The following BRINP3 variants were observed in gnomAD, a reference collection of about 807,000 sequenced individuals.
BRINP3 encodes the protein BMP/retinoic acid inducible neural specific 3.
BRINP3 carries 19 observed loss-of-function variants against 71.0 expected under a neutral mutation model. The observed-to-expected ratio is 0.27, with a 90% confidence interval of 0.19 to 0.39. The LOEUF (loss-of-function observed/expected upper bound fraction) is 0.39, where lower values mean the gene tolerates loss of function less well. Among genes scored for constraint, BRINP3 ranks in the 10% least tolerant of loss-of-function variants. The pLI, the probability that BRINP3 is intolerant of heterozygous loss-of-function variation, is 1.00. For missense variants in BRINP3, 959 were observed against 940.8 expected, an observed-to-expected ratio of 1.02 and a Z score of -0.25; for synonymous variants, 380 against 337.7, an observed-to-expected ratio of 1.13 and a Z score of -1.37.
intron 2 of BRINP3, among the ~76,000 whole-genome samples, chr1:190,400,444 T>C (rs1298756418): frequency 6.6e-6 from 1 of 152,200 alleles, no homozygotes; most frequent in Non-Finnish European, 1.5e-5. Flanking sequence ...TGATGTGTAT[T>C]ACACAAAATA....
intron 2 of BRINP3, among the ~76,000 whole-genome samples, chr1:190,434,776 T>C (rs940600325): frequency 7.2e-5 from 11 of 152,112 alleles, no homozygotes; most frequent in Admixed American, 2.0e-4. Flanking sequence ...GAAAATTAAT[T>C]TTATTTGCCT....
chr1:190,345,293 C>T (rs1667941250), intron 2 of BRINP3, among the ~76,000 whole-genome samples: 1 of 151,500 alleles, frequency 6.6e-6, no homozygotes, highest in Admixed American at 6.6e-5. Flanking sequence ...GATCTAAATC[C>T]AGATTACTTA....
chr1:190,369,787 A>C (rs1413783718), intron 2 of BRINP3, among the ~76,000 whole-genome samples: 1 of 152,186 alleles, frequency 6.6e-6, no homozygotes, highest in East Asian at 1.9e-4. Flanking sequence ...AATATGTGAC[A>C]TAATGGTCAG....
At chr1:190,100,066 T>C (rs1386166389) in intron 7 of BRINP3, among the ~76,000 whole-genome samples, 1 of 152,200 alleles carries the variant, frequency 6.6e-6, no homozygotes, top group Non-Finnish European at 1.5e-5. Context: ...TTGCACAGCC[T>C]CTATAACACA....
At chr1:190,309,468 T>C (rs1320690935) in intron 2 of BRINP3, among the ~76,000 whole-genome samples, 2 of 151,890 alleles carry the variant, frequency 1.3e-5, no homozygotes, top group Non-Finnish European at 2.9e-5. Flanking sequence ...TCTATTTTAC[T>C]GTAATTTTTT....
chr1:190,117,205 A>G (rs953839504), intron 7 of BRINP3, among the ~76,000 whole-genome samples: 1 of 152,036 alleles, frequency 6.6e-6, no homozygotes, highest in Non-Finnish European at 1.5e-5. Flanking sequence ...TGTAGTATCA[A>G]TCTTTCAACA....
rs571108325 is a variant in BRINP3, at chr1:190,193,243, A to G, written c.962-32353T>C. On this transcript the variant is annotated intron_variant, in intron 6 of 7. Coordinates refer to ENST00000367462, the MANE Select transcript of BRINP3 (RefSeq NM_199051.3). The stretch of plus-strand genomic sequence containing the variant: ...AGGAGGTGTTTGTGATATTAAAAAA[A>G]AATAGTCATACAAAGTAGTAAATTG... Among the ~76,000 whole-genome samples the G allele has an allele frequency of 4.7e-3, 713 of 152,234 alleles. 2 individuals are homozygous for G. The highest frequency in any genetic ancestry group is 0.016 in the African/African-American group (683 of 41,564).
At position 190,249,288 on chromosome 1, in the gene BRINP3, C is replaced by T. The variant is rs74670881; in HGVS notation, c.619-14811G>A. On this transcript the variant is annotated intron_variant, in intron 4 of 7. Coordinates refer to ENST00000367462, the MANE Select transcript of BRINP3 (RefSeq NM_199051.3). ...AGCACAGACACTGAATAAACCTTCA[C>T]CAAATATGCAAATAAATTTGGTAAA... Among the ~76,000 whole-genome samples the T allele has an allele frequency of 4.9e-3, 748 of 151,828 alleles. 7 individuals carry two copies. Among genetic ancestry groups the T allele is most frequent in the African/African-American group, 0.017 (701 of 41,452 alleles).
chr1:190,329,968 T>C (rs1666859346), intron 2 of BRINP3, among the ~76,000 whole-genome samples: 1 of 151,630 alleles, frequency 6.6e-6, no homozygotes, highest in Non-Finnish European at 1.5e-5. Flanking sequence ...ATACCATTCA[T>C]CATAAAAAAA....
At chr1:190,456,778 T>C (rs1381328995) in intron 1 of BRINP3, among the ~76,000 whole-genome samples, 1 of 152,008 alleles carries the variant, frequency 6.6e-6, no homozygotes, top group African/African-American at 2.4e-5. Flanking sequence ...TTAGAATATA[T>C]AATTTCTTAA....
intron 2 of BRINP3, among the ~76,000 whole-genome samples, chr1:190,354,278 T>C (rs1307781860): frequency 1.3e-5 from 2 of 151,980 alleles, no homozygotes; most frequent in Admixed American, 6.6e-5. Context: ...TTATCAAAGC[T>C]GAAAATGGGG....
intron 2 of BRINP3, among the ~76,000 whole-genome samples, chr1:190,383,096 A>AT (rs954993887): frequency 1.5e-4 from 23 of 151,898 alleles, no homozygotes; most frequent in Admixed American, 7.9e-4. Flanking sequence ...TTCCTGATAT[A>AT]TTTTTTTTCC....
At chr1:190,450,998 A>G in intron 2 of BRINP3, among the ~76,000 whole-genome samples, 1 of 152,220 alleles carries the variant, frequency 6.6e-6, no homozygotes, top group Admixed American at 6.5e-5. Flanking sequence ...AGTAAGTCAT[A>G]ACATTCACCT....
chr1:190,464,647 C>T (rs1676619682), intron 1 of BRINP3, among the ~76,000 whole-genome samples: 1 of 151,866 alleles, frequency 6.6e-6, no homozygotes, highest in Admixed American at 6.6e-5. Flanking sequence ...CTTGCACTAG[C>T]AGGAGATTTC....
At chr1:190,135,570 G>T (rs1654902229) in intron 7 of BRINP3, among the ~76,000 whole-genome samples, 1 of 152,042 alleles carries the variant, frequency 6.6e-6, no homozygotes, top group African/African-American at 2.4e-5. Context: ...ATGTTCCATG[G>T]AGATAACAAT....
intron 7 of BRINP3, among the ~76,000 whole-genome samples, chr1:190,151,014 G>C (rs1656345001): frequency 6.6e-6 from 1 of 152,086 alleles, no homozygotes; most frequent in African/African-American, 2.4e-5. Context: ...GTCGAGTGTG[G>C]TGTGTGCGTG....
chr1:190,214,483 G>C (rs1477966860), intron 6 of BRINP3, among the ~76,000 whole-genome samples: 2 of 151,990 alleles, frequency 1.3e-5, no homozygotes, highest in Non-Finnish European at 2.9e-5. Flanking sequence ...GTGCACTGTA[G>C]AGTCATTGGA....
At chr1:190,269,839 A>G (rs1661956072) in intron 3 of BRINP3, among the ~76,000 whole-genome samples, 2 of 152,038 alleles carry the variant, frequency 1.3e-5, no homozygotes, top group Non-Finnish European at 2.9e-5. Context: ...CATACAGGGA[A>G]CATTGGCAAT....
chr1:190,419,016 A>G (rs1258549338), intron 2 of BRINP3, among the ~76,000 whole-genome samples: 1 of 152,130 alleles, frequency 6.6e-6, no homozygotes, highest in African/African-American at 2.4e-5. Flanking sequence ...ATTTTCATAC[A>G]AAATCTGAAT....
Sources: gnomAD v4.1 joint callset for allele counts (sites outside exome capture counted in the v4.1 genomes callset) on GRCh38, gnomAD v4.1.1 for gene constraint, MANE v1.5 for transcripts, NCBI Gene and HGNC (gene_info 2026-07-23, HGNC 2026-07-21) for gene names.